Variants in YY1AP1 observed in about 807,000 individuals in gnomAD.
YY1AP1 encodes the protein YY1 associated protein 1.
A neutral mutation model predicts 39.9 loss-of-function variants in YY1AP1; 43 were observed. That is an observed-to-expected ratio of 1.08 (90% CI 0.84 to 1.39). The LOEUF (loss-of-function observed/expected upper bound fraction) is 1.39. Among genes scored for constraint, YY1AP1 ranks in the 40% most tolerant of loss-of-function variants. The probability of loss-of-function intolerance (pLI) is 0.00; values close to 1 mark genes in which losing one functional copy is unlikely to be tolerated. For synonymous variants in YY1AP1, 292 were observed against 331.3 expected (o/e 0.88, Z 1.29); for missense variants, 813 against 900.7 (o/e 0.90, Z 1.25).
intron 9 of YY1AP1, among the ~76,000 whole-genome samples, chr1:155,664,589 C>CTGGG (rs1648668543): frequency 6.6e-6 from 1 of 151,892 alleles, no homozygotes; most frequent in African/African-American, 2.4e-5. Flanking sequence ...CAAAAATTAG[C>CTGGG]TGGGTGTGGT....
At chr1:155,687,077 T>C (rs1652529475) in intron 2 of YY1AP1, among the ~76,000 whole-genome samples, 1 of 152,146 alleles carries the variant, frequency 6.6e-6, no homozygotes, top group African/African-American at 2.4e-5. Context: ...ATCCTACCAT[T>C]TTCACAGAGA....
At position 155,688,713 on chromosome 1, in the gene YY1AP1, C is replaced by T. The variant is rs556204470; in HGVS notation, c.-206G>A. 2 of 1,520,796 alleles carry T rather than the reference C, an allele frequency of 1.3e-6. No homozygotes were observed. The highest frequency in any genetic ancestry group is 2.4e-5 in the East Asian group (1 of 40,950). The allele number at this position is 1,520,796 out of a possible 1,614,324, so 94.2% of individuals were successfully genotyped here. ...ACCTCCTCTTCTCTCCTCCCCCTCC[C>T]TCCCCGCCCGCACGGCCACCAACCG... is the stretch of plus-strand genomic sequence containing the variant. On this transcript the variant is annotated 5_prime_UTR_variant, in exon 1 of 11. Transcript: ENST00000355499.
In YY1AP1 at chr1:155,688,166, T is replaced by G; in HGVS notation, c.-116A>C. 1 of 1,613,918 alleles carries G rather than the reference T, an allele frequency of 6.2e-7. No individual in the cohort carries two copies. The highest frequency in any genetic ancestry group is 2.2e-5 in the East Asian group (1 of 44,872). On this transcript the variant is annotated 5_prime_UTR_variant, in exon 2 of 11. Transcript: ENST00000355499. The stretch of plus-strand genomic sequence containing the variant: ...CTTCCCTGGGTCCACCGCGGATCCC[T>G]CCCGCTTGTCAGGAGGCGGCCAGCG...
chr1:155,683,943 AT>A (rs1261241080), intron 2 of YY1AP1, among the ~76,000 whole-genome samples: 3 of 152,098 alleles, frequency 2.0e-5, no homozygotes, highest in Non-Finnish European at 2.9e-5. Flanking sequence ...TCAAGACCAG[AT>A]TGATCTACAT....
At chr1:155,678,992 A>T (rs1651129415) in intron 4 of YY1AP1, among the ~76,000 whole-genome samples, 1 of 152,230 alleles carries the variant, frequency 6.6e-6, no homozygotes. Context: ...CAGGTGCTTC[A>T]GGGTTTGCTC....
At chr1:155,668,811 C>T (rs1321005793) in intron 8 of YY1AP1, 34 bp from the exon 9 acceptor site, 2 of 1,614,026 alleles carry the variant, frequency 1.2e-6, no homozygotes, top group South Asian at 1.1e-5. Flanking sequence ...AATCTCACTT[C>T]ACAGTCCTTC....
At chr1:155,664,768 ATTT>A (rs576047659) in intron 9 of YY1AP1, among the ~76,000 whole-genome samples, 4 of 137,810 alleles carry the variant, frequency 2.9e-5, no homozygotes, top group Admixed American at 1.5e-4. Context: ...ATGAATGGAG[ATTT>A]TTTTTTTTTT....
intron 2 of YY1AP1, among the ~76,000 whole-genome samples, chr1:155,681,640 C>T (rs1651537799): frequency 6.6e-6 from 1 of 151,952 alleles, no homozygotes; most frequent in Non-Finnish European, 1.5e-5. Context: ...TTTCATAGGA[C>T]TCTATCTTTG....
Position 155,688,172 on chromosome 1 carries a change from T to C in YY1AP1, c.-122A>G, listed in dbSNP as rs775906153. 6.2e-7 allele frequency: 1 copy of C among 1,613,774 alleles called. No individual in the cohort carries two copies. Among genetic ancestry groups the C allele is most frequent in the Non-Finnish European group, 8.5e-7 (1 of 1,179,964 alleles). ...TGGGTCCACCGCGGATCCCTCCCGC[T>C]TGTCAGGAGGCGGCCAGCGGGTAAG... On this transcript the variant is annotated 5_prime_UTR_variant, in exon 2 of 11. Coordinates refer to ENST00000355499, the MANE Select transcript of YY1AP1 (RefSeq NM_139119.3).
chr1:155,661,044 C>G lies in YY1AP1; in HGVS notation c.997-131G>C, dbSNP rs1305055421. On this transcript the variant is annotated intron_variant, in intron 10 of 10. Transcript: ENST00000355499. The stretch of plus-strand genomic sequence containing the variant: ...AGGGACTCTGCATATGAAATTTCTA[C>G]AAAGACCACAGTCCAATTATACACT... 2.2e-5 allele frequency: 33 copies of G among 1,515,476 alleles called. No homozygotes were observed. In the South Asian group the frequency reaches 3.7e-4, roughly 17 times the overall value. The allele number at this position is 1,515,476 out of a possible 1,614,324, so 93.9% of individuals were successfully genotyped here. A position where few individuals can be genotyped will look rare whatever the true frequency, so the allele number is the denominator to read the frequency against.
rs1391968847 is a variant in YY1AP1 at position 155,688,767 on chromosome 1, C to A, written c.-260G>T. 6.5e-6 allele frequency: 10 copies of A among 1,529,430 alleles called. No homozygotes were observed. The South Asian group carries it at 8.5e-5, about 13-fold the overall frequency. 94.7% of individuals were successfully genotyped at this position (1,529,430 alleles called of 1,614,324 possible). A position where few individuals can be genotyped will look rare whatever the true frequency, so the allele number is the denominator to read the frequency against. Reference sequence around the variant, plus strand: ...CCAAAGCAGCCGCCGCCAGCACCCCCACCCTACACTCCTCGCGCGTGCGCC... The same window carrying A: ...CCAAAGCAGCCGCCGCCAGCACCCCAACCCTACACTCCTCGCGCGTGCGCC... On this transcript the variant is annotated 5_prime_UTR_variant, in exon 1 of 11. Coordinates refer to ENST00000355499, the MANE Select transcript of YY1AP1 (RefSeq NM_139119.3).
chr1:155,663,570 T>G (rs1648497875), intron 9 of YY1AP1, among the ~76,000 whole-genome samples: 1 of 150,704 alleles, frequency 6.6e-6, no homozygotes, highest in African/African-American at 2.4e-5. Flanking sequence ...AATACAAAAA[T>G]TAGCAGGGTG....
At chr1:155,673,523 T>C (rs952582408) in intron 6 of YY1AP1, among the ~76,000 whole-genome samples, 1 of 152,104 alleles carries the variant, frequency 6.6e-6, no homozygotes, top group African/African-American at 2.4e-5. Context: ...GTCCAAAAGT[T>C]TGAGGCAATT....
chr1:155,673,672 T>C (rs534436132), intron 6 of YY1AP1, among the ~76,000 whole-genome samples: 1 of 152,174 alleles, frequency 6.6e-6, no homozygotes, highest in African/African-American at 2.4e-5. Flanking sequence ...GTCTCCCAAG[T>C]TGCTGGGACT....
rs545822524 is a variant in YY1AP1 at position 155,668,634 on chromosome 1, A to T, written c.872T>A (p.Ile291Asn). Residue 291 changes from isoleucine (I) to asparagine (N), a missense_variant, in exon 9 of 11, where the codon ATC becomes AAC. By Grantham distance (149) the Ile-to-Asn change is moderately radical. This residue lies in a region of YY1AP1 where 586 missense variants were observed against 647.4 expected (regional missense o/e 0.91). Coordinates refer to ENST00000355499, the MANE Select transcript of YY1AP1 (RefSeq NM_139119.3). ...NLNMNRAPDN[I>N]IKFYKKTKQL... ...CATGCAGGAAACACTCACTTTAATG[A>T]TGTTGTCAGGAGCTCTGTTCATGTT... is the stretch of plus-strand genomic sequence containing the variant. The T allele has an allele frequency of 3.7e-6, 6 of 1,614,112 alleles. No individual in the cohort carries two copies. Among genetic ancestry groups the T allele is most frequent in the Non-Finnish European group, 5.1e-6 (6 of 1,179,996 alleles).
intron 7 of YY1AP1, 130 bp from the exon 8 acceptor site, chr1:155,670,594 A>G: frequency 1.1e-6 from 1 of 919,826 alleles, no homozygotes; most frequent in Non-Finnish European, 1.6e-6. Context: ...TCTGCCTACC[A>G]CTCCCCAAAG....
In YY1AP1 at chr1:155,686,472, G is replaced by A. The variant is rs540750899; in HGVS notation, c.-21+1599C>T. Among the ~76,000 whole-genome samples the A allele has an allele frequency of 3.9e-5, 6 of 152,116 alleles. No individual in the cohort carries two copies. The East Asian group carries it at 1.2e-3, about 29-fold the overall frequency. ...AGTTCTCTGGTTTTAATTCCACACT[G>A]CCTCCCTCAACTTAATACCTACCAC... On this transcript the variant is annotated intron_variant, in intron 2 of 10. Coordinates refer to ENST00000355499, the MANE Select transcript of YY1AP1 (RefSeq NM_139119.3).
intron 2 of YY1AP1, among the ~76,000 whole-genome samples, chr1:155,684,356 T>G (rs1651925293): frequency 6.6e-6 from 1 of 152,054 alleles, no homozygotes; most frequent in Non-Finnish European, 1.5e-5. Context: ...CACACACATA[T>G]CACATGTACG....
Position 155,659,596 on chromosome 1 carries a change from T to A in YY1AP1, c.*61A>T, listed in dbSNP as rs1050769749. ...GGGGTTTCCTATTGGTTACACCCTA[T>A]GCGCCACCAATCGGAGGCCGAAGTG... is the stretch of plus-strand genomic sequence containing the variant. On this transcript the variant is annotated 3_prime_UTR_variant, in exon 11 of 11. Coordinates refer to ENST00000355499, the MANE Select transcript of YY1AP1 (RefSeq NM_139119.3). 2 of 1,584,660 alleles carry A rather than the reference T, an allele frequency of 1.3e-6. No homozygotes were observed. Among genetic ancestry groups the A allele is most frequent in the South Asian group, 1.1e-5 (1 of 89,056 alleles).
Sources: allele counts gnomAD v4.1 joint callset (sites outside exome capture counted in the v4.1 genomes callset), GRCh38; gene constraint gnomAD v4.1.1; regional missense constraint gnomAD v4.1.1; transcripts MANE v1.5; gene names NCBI Gene and HGNC (gene_info 2026-07-23, HGNC 2026-07-21).